EDIL3: variants seen among roughly 807,000 people sequenced by gnomAD.
The protein encoded by EDIL3 is EGF like and discoidin domains 3.
EDIL3 carries 37 observed loss-of-function variants against 67.4 expected under a neutral mutation model. That is an observed-to-expected ratio of 0.55 (90% CI 0.42 to 0.72). EDIL3 has a LOEUF of 0.72. Ranked by LOEUF, EDIL3 falls within the 30% of genes least tolerant of loss-of-function variation. The pLI, the probability that EDIL3 is intolerant of heterozygous loss-of-function variation, is 0.00. For synonymous variants in EDIL3, 195 were observed against 196.3 expected (o/e 0.99, Z 0.05); for missense variants, 527 against 586.3 (o/e 0.90, Z 1.04).
chr5:84,056,467 T>C (rs1181716447), intron 9 of EDIL3, among the ~76,000 whole-genome samples: 2 of 151,932 alleles, frequency 1.3e-5, no homozygotes, highest in Non-Finnish European at 2.9e-5. Context: ...ACTTATAAAG[T>C]ATAATAAAAA....
chr5:84,066,474 C>G lies in EDIL3; in HGVS notation c.784G>C (p.Val262Leu), dbSNP rs1271160706. The G allele has an allele frequency of 1.2e-6, 2 of 1,607,416 alleles. No homozygotes were observed. Among genetic ancestry groups the G allele is most frequent in the African/African-American group, 2.7e-5 (2 of 74,526 alleles). The change falls in exon 7 of 11, where the codon GTG becomes CTG. Residue 262 changes from valine to leucine, a missense_variant. Val to Leu is a conservative substitution (Grantham distance 32, BLOSUM62 1). Around this residue, in one of 2 missense-constraint regions of EDIL3, gnomAD observed 494 missense variants for 522.5 expected, o/e 0.95. Transcript: ENST00000296591. ...NDGKTWAMYK[V>L]KGTNEDMVFR... ...ACCATGTCTTCATTGGTGCCTTTCACTTTGTACATTGCCCAAGTCTTTCCA... is the reference window on the plus strand; with the variant it reads ...ACCATGTCTTCATTGGTGCCTTTCAGTTTGTACATTGCCCAAGTCTTTCCA...
At chr5:84,366,589 C>T (rs1044310979) in intron 1 of EDIL3, among the ~76,000 whole-genome samples, 2 of 152,028 alleles carry the variant, frequency 1.3e-5, no homozygotes, top group African/African-American at 4.8e-5. Context: ...TTTAATGGTA[C>T]ATATAATATG....
chr5:84,252,274 G>T (rs932428286), intron 2 of EDIL3, among the ~76,000 whole-genome samples: 1 of 151,860 alleles, frequency 6.6e-6, no homozygotes, highest in African/African-American at 2.4e-5. Flanking sequence ...GGTGGATCAC[G>T]AGCTCAGGAA....
At position 84,238,665 on chromosome 5, in the gene EDIL3, G is replaced by GTTTTTTTTT. The variant is rs3046880; in HGVS notation, c.197-8790_197-8782dup. Among the ~76,000 whole-genome samples the GTTTTTTTTT allele has an allele frequency of 7.9e-4, 80 of 101,088 alleles. 8 individuals are homozygous for GTTTTTTTTT. Among genetic ancestry groups the GTTTTTTTTT allele is most frequent in the East Asian group, 2.7e-3 (8 of 2,912 alleles). The allele number at this position is 101,088 out of a possible 152,430, so 66.3% of individuals were successfully genotyped here. ...GTTACAACAGGAGCTAAAATTAAATGTTTTTTTTTTTTTTTTTTCAGAATC... is the reference window on the plus strand; with the variant it reads ...GTTACAACAGGAGCTAAAATTAAATGTTTTTTTTTTTTTTTTTTTTTTTTTTTCAGAATC... On this transcript the variant is annotated intron_variant, in intron 2 of 10. Coordinates refer to ENST00000296591, the MANE Select transcript of EDIL3 (RefSeq NM_005711.5).
chr5:83,970,882 C>G (rs1245812205), intron 9 of EDIL3, among the ~76,000 whole-genome samples: 1 of 151,388 alleles, frequency 6.6e-6, no homozygotes, highest in Non-Finnish European at 1.5e-5. Flanking sequence ...TGCATTCAAG[C>G]TGCAGACTGT....
At chr5:84,289,129 C>T (rs1392380547) in intron 1 of EDIL3, among the ~76,000 whole-genome samples, 1 of 152,018 alleles carries the variant, frequency 6.6e-6, no homozygotes, top group Non-Finnish European at 1.5e-5. Flanking sequence ...ATCTAGATTT[C>T]TAAATGGAGC....
At chr5:84,228,332 A>G (rs1322360526) in intron 3 of EDIL3, among the ~76,000 whole-genome samples, 1 of 152,114 alleles carries the variant, frequency 6.6e-6, no homozygotes, top group Non-Finnish European at 1.5e-5. Context: ...GTCTGTATAG[A>G]AAAAATACAC....
chr5:84,341,486 T>G (rs1351555074), intron 1 of EDIL3, among the ~76,000 whole-genome samples: 1 of 152,144 alleles, frequency 6.6e-6, no homozygotes, highest in African/African-American at 2.4e-5. Flanking sequence ...TTTTTCTGAT[T>G]AACACAAAAA....
Position 84,048,737 on chromosome 5 carries a change from G to T in EDIL3, c.1137+11563C>A, listed in dbSNP as rs536280724. Among the ~76,000 whole-genome samples, 13 of 151,824 alleles carry T rather than the reference G, an allele frequency of 8.6e-5. No homozygotes were observed. In the South Asian group the frequency reaches 2.5e-3, roughly 29 times the overall value. On this transcript the variant is annotated intron_variant, in intron 9 of 10. Transcript: ENST00000296591. ...ATTTTCTATAGTCACCACCAATACG[G>T]CAATGAATACATACACAATGTATTC...
intron 2 of EDIL3, among the ~76,000 whole-genome samples, chr5:84,239,070 A>C (rs914183927): frequency 6.6e-6 from 1 of 152,204 alleles, no homozygotes; most frequent in Non-Finnish European, 1.5e-5. Context: ...AACATGTCAT[A>C]TCTCTCTCCC....
chr5:84,010,607 G>A (rs1745500579), intron 9 of EDIL3, among the ~76,000 whole-genome samples: 1 of 152,074 alleles, frequency 6.6e-6, no homozygotes, highest in Non-Finnish European at 1.5e-5. Flanking sequence ...TATTTAATGT[G>A]CATAATACTG....
intron 8 of EDIL3, among the ~76,000 whole-genome samples, chr5:84,063,261 C>T (rs1746576240): frequency 6.6e-6 from 1 of 152,078 alleles, no homozygotes; most frequent in Non-Finnish European, 1.5e-5. Context: ...GTGGCTTCCT[C>T]TTGATTGCTT....
At chr5:83,984,060 C>A (rs1218635559) in intron 9 of EDIL3, among the ~76,000 whole-genome samples, 1 of 151,898 alleles carries the variant, frequency 6.6e-6, no homozygotes, top group Non-Finnish European at 1.5e-5. Flanking sequence ...GAACAATGGA[C>A]ACAGGGTAAG....
intron 4 of EDIL3, among the ~76,000 whole-genome samples, chr5:84,178,394 C>T (rs1325710708): frequency 6.6e-6 from 1 of 152,112 alleles, no homozygotes; most frequent in Non-Finnish European, 1.5e-5. Flanking sequence ...ACCCAGATAC[C>T]TAGCAATCCT....
At chr5:84,220,388 C>A (rs984740329) in intron 3 of EDIL3, among the ~76,000 whole-genome samples, 1 of 152,146 alleles carries the variant, frequency 6.6e-6, no homozygotes, top group African/African-American at 2.4e-5. Flanking sequence ...TTAAAAGTTA[C>A]AACGCATGAC....
intron 4 of EDIL3, 91 bp from the exon 5 acceptor site, chr5:84,137,445 T>C: frequency 9.0e-7 from 1 of 1,105,476 alleles, no homozygotes; most frequent in South Asian, 1.4e-5. Flanking sequence ...ACAAATGTCT[T>C]AGTAATGCTA....
intron 9 of EDIL3, among the ~76,000 whole-genome samples, chr5:84,015,808 C>G (rs535798677): frequency 6.6e-6 from 1 of 152,256 alleles, no homozygotes; most frequent in African/African-American, 2.4e-5. Flanking sequence ...ATAGCAGAAA[C>G]TCTCTTGAGA....
chr5:84,329,295 G>T (rs143089381), intron 1 of EDIL3, among the ~76,000 whole-genome samples: 4 of 152,124 alleles, frequency 2.6e-5, no homozygotes, highest in Admixed American at 6.5e-5. Flanking sequence ...GAAAAGTAAA[G>T]TAAAAGTTTG....
intron 9 of EDIL3, among the ~76,000 whole-genome samples, chr5:83,990,671 A>T (rs1038777959): frequency 2.6e-5 from 4 of 151,912 alleles, no homozygotes; most frequent in Admixed American, 6.6e-5. Context: ...AATTGAGGTC[A>T]GGAGTTCGAG....
Sources: gnomAD v4.1 joint callset for allele counts (sites outside exome capture counted in the v4.1 genomes callset) on GRCh38, gnomAD v4.1.1 for gene constraint, gnomAD v4.1.1 regional missense constraint, MANE v1.5 for transcripts, NCBI Gene and HGNC (gene_info 2026-07-23, HGNC 2026-07-21) for gene names.